The following DAB1 variants were observed in gnomAD, a reference collection of about 807,000 sequenced individuals.
The protein encoded by DAB1 is disabled homolog 1.
In DAB1, 15 loss-of-function variants were observed where a neutral mutation model predicts 64.6. That is an observed-to-expected ratio of 0.23 (90% CI 0.16 to 0.36). The LOEUF (loss-of-function observed/expected upper bound fraction) is 0.36. Among genes scored for constraint, DAB1 ranks in the 10% least tolerant of loss-of-function variants. The probability of loss-of-function intolerance (pLI) is 1.00; values close to 1 mark genes in which losing one functional copy is unlikely to be tolerated. For synonymous variants in DAB1, 235 were observed against 251.9 expected (o/e 0.93, Z 0.64); for missense variants, 596 against 706.7 (o/e 0.84, Z 1.78).
At position 58,300,610 on chromosome 1, in the gene DAB1, A is replaced by AAGAG. The variant is rs770388855; in HGVS notation, n.309+42738_309+42741dup. The stretch of plus-strand genomic sequence containing the variant: ...AAAGAAAGAAAGAAAGAAAGAAAGA[A>AAGAG]AGAGAGAGAGAGAGAGAGAGAGAGA... On this transcript the variant is annotated intron_variant and non_coding_transcript_variant, in intron 4 of 20. Transcript: ENST00000485760. 5.1e-4 allele frequency among the ~76,000 whole-genome samples: 24 copies of AAGAG among 47,052 alleles called. 1 individual carries two copies. Among genetic ancestry groups the AAGAG allele is most frequent in the Admixed American group, 9.7e-4 (5 of 5,176 alleles). 30.9% of individuals were successfully genotyped at this position (47,052 alleles called of 152,430 possible).
intron 6 of DAB1, among the ~76,000 whole-genome samples, chr1:57,768,175 T>TAAAA (rs11413691): frequency 1.2e-4 from 12 of 96,774 alleles, no homozygotes; most frequent in African/African-American, 4.1e-4. Flanking sequence ...AGAATCTGTC[T>TAAAA]AAAAAAAAAA....
chr1:57,723,228 G>A (rs1019580131), intron 6 of DAB1, among the ~76,000 whole-genome samples: 2 of 152,126 alleles, frequency 1.3e-5, no homozygotes, highest in Non-Finnish European at 2.9e-5. Flanking sequence ...GTGACCACGG[G>A]CAAGTTTCTT....
chr1:57,323,411 T>C (rs938069517), intron 1 of DAB1, among the ~76,000 whole-genome samples: 8 of 152,034 alleles, frequency 5.3e-5, no homozygotes, highest in African/African-American at 1.9e-4. Context: ...AGCCTCAGAA[T>C]CCAGAATTGT....
chr1:58,086,298 A>C (rs1650310530), intron 5 of DAB1, among the ~76,000 whole-genome samples: 2 of 152,182 alleles, frequency 1.3e-5, no homozygotes, highest in East Asian at 3.9e-4. Context: ...CCAGTATCAA[A>C]TTCCCAGCTC....
chr1:57,405,712 A>G (rs269044), intron 1 of DAB1, among the ~76,000 whole-genome samples: 61,143 of 151,988 alleles, frequency 0.4, 12,842 homozygotes, highest in African/African-American at 0.47. Flanking sequence ...ACACTGTTTC[A>G]CCCACAAACA....
intron 9 of DAB1, among the ~76,000 whole-genome samples, chr1:57,048,149 C>A (rs1648763075): frequency 6.6e-6 from 1 of 152,088 alleles, no homozygotes; most frequent in Non-Finnish European, 1.5e-5. Flanking sequence ...AATAACCCAC[C>A]CAAGGTCCCA....
chr1:58,321,839 A>T (rs925893169), intron 4 of DAB1, among the ~76,000 whole-genome samples: 1 of 152,270 alleles, frequency 6.6e-6, no homozygotes. Flanking sequence ...GGCAGGGCAT[A>T]GCTGAACAAA....
chr1:58,404,256 G>A (rs995591083), intron 3 of DAB1, among the ~76,000 whole-genome samples: 19 of 152,174 alleles, frequency 1.2e-4, no homozygotes, highest in Non-Finnish European at 2.1e-4. Context: ...GAGCCTCTTA[G>A]GTACACTCTT....
At chr1:58,275,801 A>G (rs1661429990) in intron 4 of DAB1, among the ~76,000 whole-genome samples, 1 of 152,238 alleles carries the variant, frequency 6.6e-6, no homozygotes, top group African/African-American at 2.4e-5. Flanking sequence ...TTACCATTTG[A>G]TCCAGCAATT....
chr1:57,009,992 A>G (rs1233477937), intron 14 of DAB1, among the ~76,000 whole-genome samples: 1 of 152,180 alleles, frequency 6.6e-6, no homozygotes. Context: ...TGGGCTTTGA[A>G]TTTCACATCA....
chr1:58,081,399 G>C (rs1649988176), intron 5 of DAB1, among the ~76,000 whole-genome samples: 1 of 152,062 alleles, frequency 6.6e-6, no homozygotes, highest in Admixed American at 6.6e-5. Flanking sequence ...TGTCATCTGG[G>C]GCTTCTTCTC....
chr1:57,889,527 T>G (rs1303647528), intron 5 of DAB1, among the ~76,000 whole-genome samples: 3 of 152,198 alleles, frequency 2.0e-5, no homozygotes, highest in Non-Finnish European at 4.4e-5. Flanking sequence ...ATATTTTTTA[T>G]GAACAAGACA....
intron 5 of DAB1, among the ~76,000 whole-genome samples, chr1:57,928,120 C>T (rs1188244199): frequency 2.6e-5 from 4 of 152,030 alleles, no homozygotes; most frequent in African/African-American, 4.8e-5. Flanking sequence ...TCTATGTGAA[C>T]ATTCTCACTG....
intron 7 of DAB1, among the ~76,000 whole-genome samples, chr1:57,590,352 G>C (rs951765171): frequency 4.0e-5 from 6 of 150,806 alleles, no homozygotes; most frequent in Non-Finnish European, 8.8e-5. Context: ...ATGGAGTCTT[G>C]CTCTGTCACC....
intron 6 of DAB1, among the ~76,000 whole-genome samples, chr1:57,713,552 A>G (rs1647050387): frequency 6.6e-6 from 1 of 152,212 alleles, no homozygotes; most frequent in South Asian, 2.1e-4. Flanking sequence ...TATAATGGGA[A>G]GGCATTTTGG....
intron 7 of DAB1, among the ~76,000 whole-genome samples, chr1:57,524,734 A>C (rs1236914214): frequency 6.6e-6 from 1 of 152,194 alleles, no homozygotes; most frequent in Non-Finnish European, 1.5e-5. Flanking sequence ...CAATGGTGGA[A>C]TGTCATCAGT....
At chr1:57,116,108 A>C (rs1656078669) in intron 4 of DAB1, among the ~76,000 whole-genome samples, 1 of 152,062 alleles carries the variant, frequency 6.6e-6, no homozygotes, top group African/African-American at 2.4e-5. Flanking sequence ...TGTGTCCAAA[A>C]ACTGTTGGGG....
intron 1 of DAB1, among the ~76,000 whole-genome samples, chr1:58,534,859 C>G (rs1646492772): frequency 6.6e-6 from 1 of 152,156 alleles, no homozygotes; most frequent in Non-Finnish European, 1.5e-5. Context: ...TCGCTTGAGT[C>G]TAGGAGGTGG....
chr1:57,353,838 T>C (rs376348041), intron 1 of DAB1, among the ~76,000 whole-genome samples: 75 of 152,258 alleles, frequency 4.9e-4, no homozygotes, highest in African/African-American at 1.8e-3. Context: ...CCAAACTTCA[T>C]ACACATACAA....
Sources: allele counts gnomAD v4.1 joint callset (sites outside exome capture counted in the v4.1 genomes callset), GRCh38; gene constraint gnomAD v4.1.1; transcripts MANE v1.5; gene names NCBI Gene and HGNC (gene_info 2026-07-23, HGNC 2026-07-21).